PMEPA1: variants seen among roughly 807,000 people sequenced by gnomAD.
PMEPA1 encodes the protein protein TMEPAI.
Under a neutral mutation model 23.0 loss-of-function variants are expected in PMEPA1, and 11 were observed. The observed-to-expected ratio is 0.48, with a 90% confidence interval of 0.30 to 0.79. The LOEUF is 0.79. Ranked by LOEUF, PMEPA1 falls within the 30% of genes least tolerant of loss-of-function variation. The probability of loss-of-function intolerance (pLI) is 0.06; values close to 1 mark genes in which losing one functional copy is unlikely to be tolerated. For missense variants in PMEPA1, 377 were observed against 390.9 expected (o/e 0.96, Z 0.30); for synonymous variants, 204 against 166.4 (o/e 1.23, Z -1.74).
At chr20:57,672,487 A>G (rs1039828581) in intron 1 of PMEPA1, among the ~76,000 whole-genome samples, 2 of 152,210 alleles carry the variant, frequency 1.3e-5, no homozygotes, top group Non-Finnish European at 2.9e-5. Flanking sequence ...GCTTCTCAAT[A>G]GTGCCTCATT....
At position 57,656,543 on chromosome 20, in the gene PMEPA1, A is replaced by T. The variant is rs2071329233; in HGVS notation, c.264+3000T>A. On this transcript the variant is annotated intron_variant, in intron 2 of 3. Coordinates refer to ENST00000341744, the MANE Select transcript of PMEPA1 (RefSeq NM_020182.5). The surrounding 1 kb of genome is among the most constrained non-coding windows in gnomAD (Gnocchi z 4.7). ...CCGTGGCTGGGCGGTCACTGCAGTG[A>T]CGTTCTGCATCATGTCCCGAATACC... 6.6e-6 allele frequency among the ~76,000 whole-genome samples: 1 copy of T among 152,120 alleles called. No homozygotes were observed. The highest frequency in any genetic ancestry group is 1.5e-5 in the Non-Finnish European group (1 of 68,018).
In PMEPA1 at chr20:57,662,603, G is replaced by A. The variant is rs532639297; in HGVS notation, c.110-2906C>T. Among the ~76,000 whole-genome samples the A allele has an allele frequency of 1.6e-3, 247 of 152,338 alleles. 2 individuals carry two copies. Among genetic ancestry groups the A allele is most frequent in the African/African-American group, 5.4e-3 (224 of 41,576 alleles). ...TCCCCAGACAGGCAGGTCCAGGGCC[G>A]GGGCAGCCTGGCCTGATTCTGTAGG... On this transcript the variant is annotated intron_variant, in intron 1 of 3. Transcript: ENST00000341744.
intron 1 of PMEPA1, among the ~76,000 whole-genome samples, chr20:57,663,417 G>T (rs975473416): frequency 2.6e-5 from 4 of 152,124 alleles, no homozygotes; most frequent in Non-Finnish European, 4.4e-5. Context: ...GTGTCAGCGG[G>T]GGGACGGTGG....
intron 1 of PMEPA1, among the ~76,000 whole-genome samples, chr20:57,675,700 C>A (rs998894559): frequency 1.3e-5 from 2 of 152,150 alleles, no homozygotes; most frequent in African/African-American, 4.8e-5. Flanking sequence ...GGCGACCTCG[C>A]TAGAGAGGGG....
intron 1 of PMEPA1, among the ~76,000 whole-genome samples, chr20:57,663,918 G>C (rs547839381): frequency 6.6e-6 from 1 of 152,338 alleles, no homozygotes; most frequent in East Asian, 1.9e-4. Flanking sequence ...CGGGAGGAAG[G>C]CTGGTCAGGC....
intron 1 of PMEPA1, among the ~76,000 whole-genome samples, chr20:57,665,441 C>T (rs203385): frequency 0.41 from 61,289 of 150,390 alleles, 12,612 homozygotes; most frequent in East Asian, 0.53. Flanking sequence ...GTCCAGTCCT[C>T]GTGCATCCAT....
chr20:57,660,892 CCCT>C (rs1050537883), intron 1 of PMEPA1, among the ~76,000 whole-genome samples: 5 of 152,142 alleles, frequency 3.3e-5, no homozygotes, highest in South Asian at 2.1e-4. Context: ...CAACACACAC[CCCT>C]CAACAGTCCC....
chr20:57,661,412 G>C (rs2071417092), intron 1 of PMEPA1, among the ~76,000 whole-genome samples: 1 of 152,172 alleles, frequency 6.6e-6, no homozygotes, highest in South Asian at 2.1e-4. Flanking sequence ...GCTTCGCCCT[G>C]CCCAGGACAC....
chr20:57,708,429 C>T (rs2072117437), intron 1 of PMEPA1, among the ~76,000 whole-genome samples: 1 of 152,194 alleles, frequency 6.6e-6, no homozygotes, highest in Non-Finnish European at 1.5e-5. Context: ...AACCAAATGT[C>T]CACCTAGGTG....
intron 2 of PMEPA1, among the ~76,000 whole-genome samples, chr20:57,658,374 C>T (rs891336965): frequency 3.9e-5 from 6 of 152,162 alleles, no homozygotes; most frequent in Non-Finnish European, 7.4e-5. Flanking sequence ...TTCCTGGCCA[C>T]GGCCCTCGGC....
intron 1 of PMEPA1, among the ~76,000 whole-genome samples, chr20:57,688,874 A>G (rs928197833): frequency 1.3e-5 from 2 of 151,926 alleles, no homozygotes; most frequent in Non-Finnish European, 2.9e-5. Context: ...CCCCTTTACG[A>G]GGCACCCAGG....
At chr20:57,698,333 A>G (rs1293584700) in intron 1 of PMEPA1, among the ~76,000 whole-genome samples, 1 of 152,232 alleles carries the variant, frequency 6.6e-6, no homozygotes. Flanking sequence ...TATCATAAAC[A>G]GATTAGAAAA....
intron 1 of PMEPA1, among the ~76,000 whole-genome samples, chr20:57,680,111 G>C (rs1382491087): frequency 6.6e-6 from 1 of 152,338 alleles, no homozygotes; most frequent in African/African-American, 2.4e-5. Flanking sequence ...ACCGTCGGGG[G>C]ATGAGTGGAT....
chr20:57,648,855 A>G lies in PMEPA1; in HGVS notation c.*3198T>C, dbSNP rs1159016751. ...AGGAAAAAAAATTTCTCTGAAACGT[A>G]CAATTCATAGGGACGACCAATGAGG... On this transcript the variant is annotated 3_prime_UTR_variant, in exon 4 of 4. Transcript: ENST00000341744. 1.3e-5 allele frequency: 2 copies of G among 152,180 alleles called. No homozygotes were observed. Among genetic ancestry groups the G allele is most frequent in the Non-Finnish European group, 2.9e-5 (2 of 68,046 alleles). 9.4% of individuals were successfully genotyped at this position (152,180 alleles called of 1,614,324 possible).
intron 1 of PMEPA1, among the ~76,000 whole-genome samples, chr20:57,681,874 C>G (rs6099717): frequency 0.026 from 3,958 of 152,232 alleles, 185 homozygotes; most frequent in African/African-American, 0.089. Context: ...GGTACTCCCC[C>G]CAAGGTCTTC....
intron 1 of PMEPA1, among the ~76,000 whole-genome samples, chr20:57,687,067 C>A (rs1406341752): frequency 2.0e-5 from 3 of 152,254 alleles, no homozygotes; most frequent in Non-Finnish European, 4.4e-5. Context: ...AATCTTCGCT[C>A]CTCTTGCAGC....
At chr20:57,664,877 C>T (rs1264438978) in intron 1 of PMEPA1, among the ~76,000 whole-genome samples, 1 of 152,196 alleles carries the variant, frequency 6.6e-6, no homozygotes, top group African/African-American at 2.4e-5. Context: ...AGAGTTGGGC[C>T]CCAGGTCACT....
At chr20:57,677,095 G>T (rs1355095545) in intron 1 of PMEPA1, among the ~76,000 whole-genome samples, 3 of 152,206 alleles carry the variant, frequency 2.0e-5, no homozygotes, top group Non-Finnish European at 4.4e-5. Context: ...TCTGTGGGAA[G>T]ACTTGCCCTG....
chr20:57,710,146 G>T, upstream of PMEPA1: 1 of 699,318 alleles, frequency 1.4e-6, no homozygotes, highest in South Asian at 6.9e-5. Flanking sequence ...GGGAAACGGG[G>T]CGGGCTCTTA....
Sources: allele counts gnomAD v4.1 joint callset (sites outside exome capture counted in the v4.1 genomes callset), GRCh38; gene constraint gnomAD v4.1.1; non-coding constraint Gnocchi (gnomAD v3.1); transcripts MANE v1.5; gene names NCBI Gene and HGNC (gene_info 2026-07-23, HGNC 2026-07-21).